Variants in FAM117A observed in about 807,000 individuals in gnomAD.
The protein encoded by FAM117A is protein FAM117A.
In FAM117A, 21 loss-of-function variants were observed where a neutral mutation model predicts 44.1. The ratio of observed to expected loss-of-function variants is 0.48; its 90% CI spans 0.34 to 0.69. FAM117A has a LOEUF of 0.69. Ranked by LOEUF, FAM117A falls within the 30% of genes least tolerant of loss-of-function variation. The probability of loss-of-function intolerance (pLI) is 0.01; values close to 1 mark genes in which losing one functional copy is unlikely to be tolerated. For synonymous variants in FAM117A, 220 were observed against 238.3 expected, an observed-to-expected ratio of 0.92 and a Z score of 0.71; for missense variants, 498 against 589.9, an observed-to-expected ratio of 0.84 and a Z score of 1.61.
upstream of FAM117A, chr17:49,788,802 C>T: frequency 6.3e-7 from 1 of 1,577,250 alleles, no homozygotes; most frequent in Non-Finnish European, 8.6e-7. Flanking sequence ...CGCCGCTGCC[C>T]GAATCGGAAC....
At position 49,732,673 on chromosome 17, in the gene FAM117A, G is replaced by A; in HGVS notation, c.244C>T (p.Gln82Ter). The A allele has an allele frequency of 6.2e-7, 1 of 1,614,058 alleles. No homozygotes were observed. The highest frequency in any genetic ancestry group is 8.5e-7 in the Non-Finnish European group (1 of 1,179,992). ...VAPEKSVCRP[Q>*]PLQVRRTFSL... is the part of the protein sequence containing the mutation. The stretch of plus-strand genomic sequence containing the variant: ...AATGTACGCCGGACCTGAAGTGGCT[G>A]AGGCCTACACACTGACTTTTCTGGG... The change falls in exon 2 of 8, where the codon CAG becomes TAG. Residue 82 changes from glutamine to a stop codon, truncating the protein, a stop_gained. Transcript: ENST00000240364. LOFTEE classifies it high-confidence loss of function.
chr17:49,750,772 A>G (rs1049159487), intron 1 of FAM117A, among the ~76,000 whole-genome samples: 1 of 152,074 alleles, frequency 6.6e-6, no homozygotes, highest in Non-Finnish European at 1.5e-5. Context: ...GCAAAACTCC[A>G]TCTCAAAAAA....
chr17:49,718,381 G>A (rs542907047), intron 5 of FAM117A, among the ~76,000 whole-genome samples: 2 of 152,344 alleles, frequency 1.3e-5, no homozygotes, highest in Admixed American at 6.5e-5. Flanking sequence ...AATTGTGCCT[G>A]AGGCCAGCTG....
At chr17:49,782,376 CAAA>C (rs1193854249) in intron 1 of FAM117A, among the ~76,000 whole-genome samples, 1 of 18,100 alleles carries the variant, frequency 5.5e-5, no homozygotes, top group Non-Finnish European at 1.1e-4. Context: ...GACTCCGTCT[CAAA>C]AAAAAAAAAA....
In FAM117A at chr17:49,764,104, T is replaced by C. The variant is rs368850837; in HGVS notation, c.-17A>G. 4.9e-6 allele frequency: 6 copies of C among 1,215,490 alleles called. No homozygotes were observed. The highest frequency in any genetic ancestry group is 3.3e-5 in the South Asian group (1 of 30,212). The allele number at this position is 1,215,490 out of a possible 1,614,324, so 75.3% of individuals were successfully genotyped here. On this transcript the variant is annotated 5_prime_UTR_variant, in exon 1 of 8. Transcript: ENST00000240364. Reference sequence around the variant, plus strand: ...CCCCGCCATGGCTCTCCCGGCTGCCTGCCTCAGCCCCACTGCGAGACTCAC... The same window carrying C: ...CCCCGCCATGGCTCTCCCGGCTGCCCGCCTCAGCCCCACTGCGAGACTCAC...
upstream of FAM117A, among the ~76,000 whole-genome samples, chr17:49,767,081 T>G (rs943998145): frequency 1.3e-5 from 2 of 152,170 alleles, no homozygotes; most frequent in African/African-American, 4.8e-5. Context: ...AAGGGAGGCA[T>G]GCATAGGACA....
At chr17:49,766,359 C>T (rs1019046938), upstream of FAM117A, among the ~76,000 whole-genome samples, 1 of 152,228 alleles carries the variant, frequency 6.6e-6, no homozygotes, top group African/African-American at 2.4e-5. Context: ...TACATTATCT[C>T]ATTTAATTAT....
chr17:49,773,680 T>C (rs967700328), intron 1 of FAM117A, among the ~76,000 whole-genome samples: 2 of 152,088 alleles, frequency 1.3e-5, no homozygotes, highest in South Asian at 2.1e-4. Flanking sequence ...CATCTACCCT[T>C]ATCAGCTACT....
chr17:49,711,562 G>A lies in FAM117A; in HGVS notation c.1062-7C>T. 4 of 1,613,280 alleles carry A rather than the reference G, an allele frequency of 2.5e-6. No individual in the cohort carries two copies. The highest frequency in any genetic ancestry group is 3.4e-6 in the Non-Finnish European group (4 of 1,179,768). Reference sequence around the variant, plus strand: ...CAGGTCAGGACCTGGAGACCTGGAGGATGAAGAGAGACACACAAGACACAT... The same window carrying A: ...CAGGTCAGGACCTGGAGACCTGGAGAATGAAGAGAGACACACAAGACACAT... On this transcript the variant is annotated splice_polypyrimidine_tract_variant and splice_region_variant and intron_variant, in intron 7 of 7. Transcript: ENST00000240364.
intron 1 of FAM117A, among the ~76,000 whole-genome samples, chr17:49,755,941 T>G (rs1390934718): frequency 6.6e-6 from 1 of 152,194 alleles, no homozygotes; most frequent in Non-Finnish European, 1.5e-5. Flanking sequence ...AACACTCAAA[T>G]CTGTTCAAGC....
At chr17:49,770,735 C>G (rs920037727) in intron 1 of FAM117A, among the ~76,000 whole-genome samples, 1 of 150,716 alleles carries the variant, frequency 6.6e-6, no homozygotes, top group African/African-American at 2.4e-5. Flanking sequence ...GAAACCCTGT[C>G]TCTACAAAAA....
At chr17:49,781,384 C>G (rs1416820154) in intron 1 of FAM117A, among the ~76,000 whole-genome samples, 1 of 152,092 alleles carries the variant, frequency 6.6e-6, no homozygotes, top group Non-Finnish European at 1.5e-5. Context: ...ACACTTAGTT[C>G]TGGAAACAAT....
At chr17:49,722,931 G>C (rs915400507) in intron 2 of FAM117A, among the ~76,000 whole-genome samples, 1 of 152,140 alleles carries the variant, frequency 6.6e-6, no homozygotes, top group African/African-American at 2.4e-5. Context: ...CCAGCTCCAA[G>C]AGAATATAGG....
intron 1 of FAM117A, among the ~76,000 whole-genome samples, chr17:49,748,202 A>T (rs2073661105): frequency 6.6e-6 from 1 of 152,226 alleles, no homozygotes; most frequent in Non-Finnish European, 1.5e-5. Flanking sequence ...TTAAGTAAAA[A>T]GGCTTAACCT....
chr17:49,744,684 T>C (rs2073647682), intron 1 of FAM117A, among the ~76,000 whole-genome samples: 1 of 151,702 alleles, frequency 6.6e-6, no homozygotes, highest in Admixed American at 6.6e-5. Flanking sequence ...AAATGCTATA[T>C]AAATAGTTGT....
At chr17:49,778,318 G>A (rs1473569401) in intron 1 of FAM117A, among the ~76,000 whole-genome samples, 1 of 152,186 alleles carries the variant, frequency 6.6e-6, no homozygotes, top group Non-Finnish European at 1.5e-5. Context: ...CTAGGTGCTG[G>A]AGATATGCAG....
intron 2 of FAM117A, among the ~76,000 whole-genome samples, chr17:49,728,587 CA>C (rs1328194758): frequency 6.6e-6 from 1 of 152,118 alleles, no homozygotes; most frequent in Non-Finnish European, 1.5e-5. Flanking sequence ...ATGAGACCAA[CA>C]GGGGAACTTT....
chr17:49,758,674 T>TA (rs930877034), intron 1 of FAM117A, among the ~76,000 whole-genome samples: 1 of 138,374 alleles, frequency 7.2e-6, no homozygotes, highest in East Asian at 2.2e-4. Flanking sequence ...AATAAATAAA[T>TA]AAATAAAATA....
intron 1 of FAM117A, among the ~76,000 whole-genome samples, chr17:49,784,919 CTG>C (rs2073801485): frequency 6.6e-6 from 1 of 152,116 alleles, no homozygotes; most frequent in African/African-American, 2.4e-5. Context: ...GGTAATCACT[CTG>C]TATGTCTTCA....
Sources: allele counts gnomAD v4.1 joint callset (sites outside exome capture counted in the v4.1 genomes callset), GRCh38; gene constraint gnomAD v4.1.1; transcripts MANE v1.5; gene names NCBI Gene and HGNC (gene_info 2026-07-23, HGNC 2026-07-21).